Variants in RFX3 observed in about 807,000 individuals in gnomAD.
The protein encoded by RFX3 is transcription factor RFX3.
A neutral mutation model predicts 98.6 loss-of-function variants in RFX3; 14 were observed. The observed-to-expected ratio is 0.14, with a 90% confidence interval of 0.09 to 0.22. The LOEUF (loss-of-function observed/expected upper bound fraction) is 0.22. Among genes scored for constraint, RFX3 ranks in the 10% least tolerant of loss-of-function variants. The probability of loss-of-function intolerance (pLI) is 1.00; values close to 1 mark genes in which losing one functional copy is unlikely to be tolerated. For missense variants in RFX3, 639 were observed against 926.9 expected, an observed-to-expected ratio of 0.69 and a Z score of 4.03; for synonymous variants, 383 against 328.4, an observed-to-expected ratio of 1.17 and a Z score of -1.80.
chr9:3,359,639 G>T (rs904030604), intron 2 of RFX3, among the ~76,000 whole-genome samples: 1 of 151,964 alleles, frequency 6.6e-6, no homozygotes, highest in African/African-American at 2.4e-5. Flanking sequence ...AGTTCAGCAC[G>T]GGGAAAACAC....
intron 2 of RFX3, among the ~76,000 whole-genome samples, chr9:3,373,955 G>A (rs985777076): frequency 4.6e-5 from 7 of 152,100 alleles, no homozygotes; most frequent in African/African-American, 1.7e-4. Context: ...GCATGCGCCT[G>A]TAGTCCCAGC....
chr9:3,493,699 AAAT>A (rs1334603625), intron 1 of RFX3, among the ~76,000 whole-genome samples: 3,798 of 101,694 alleles, frequency 0.037, 30 homozygotes, highest in South Asian at 0.071. Flanking sequence ...AAAAAAAAAA[AAAT>A]ATATATATAT....
chr9:3,251,139 G>A (rs771640424), intron 14 of RFX3, among the ~76,000 whole-genome samples: 14 of 151,950 alleles, frequency 9.2e-5, no homozygotes, highest in South Asian at 6.2e-4. Context: ...GTATGAGGAC[G>A]TTAAACATTA....
Position 3,346,759 on chromosome 9 carries a change from C to T in RFX3, c.123G>A (p.Gln41=), listed in dbSNP as rs776271903. The T allele has an allele frequency of 6.8e-6, 11 of 1,611,336 alleles. No individual in the cohort carries two copies. Among genetic ancestry groups the T allele is most frequent in the Non-Finnish European group, 9.3e-6 (11 of 1,177,640 alleles). The change falls in exon 3 of 17, where the codon CAG becomes CAA. Residue 41 remains glutamine, a synonymous_variant. Coordinates refer to ENST00000617270, the MANE Select transcript of RFX3 (RefSeq NM_001282116.2). ...VQQVPVQQQV[Q]QVQTVQQVQH... ...GTACCTGCTGCACAGTCTGTACCTG[C>T]TGTACCTGAAAAACAAGTATTAGGA...
intron 1 of RFX3, among the ~76,000 whole-genome samples, chr9:3,524,988 TG>T (rs539910347): frequency 0.011 from 1,078 of 93,740 alleles, 10 homozygotes; most frequent in African/African-American, 0.031. Context: ...AAGGGGTGTG[TG>T]GGGGGGGGGA....
chr9:3,407,860 CAG>C (rs1842100072), intron 1 of RFX3, among the ~76,000 whole-genome samples: 1 of 152,100 alleles, frequency 6.6e-6, no homozygotes, highest in South Asian at 2.1e-4. Context: ...ATGGAATATT[CAG>C]AGTTTCTACA....
intron 16 of RFX3, among the ~76,000 whole-genome samples, chr9:3,227,680 C>A (rs977207410): frequency 6.6e-6 from 1 of 152,172 alleles, no homozygotes; most frequent in Non-Finnish European, 1.5e-5. Flanking sequence ...GTGAGTATAT[C>A]ATCAGTGTTG....
intron 2 of RFX3, among the ~76,000 whole-genome samples, chr9:3,351,392 A>G (rs1835103556): frequency 6.6e-6 from 1 of 152,026 alleles, no homozygotes; most frequent in African/African-American, 2.4e-5. Context: ...AATCATGCCA[A>G]TATTTATAGA....
chr9:3,306,071 T>C (rs2130272556), intron 4 of RFX3, among the ~76,000 whole-genome samples: 1 of 152,220 alleles, frequency 6.6e-6, no homozygotes, highest in Non-Finnish European at 1.5e-5. Flanking sequence ...AATGATGTTT[T>C]ACCACAATAC....
At chr9:3,356,396 C>G (rs531217466) in intron 2 of RFX3, among the ~76,000 whole-genome samples, 4 of 151,852 alleles carry the variant, frequency 2.6e-5, no homozygotes, top group African/African-American at 7.2e-5. Flanking sequence ...AATTCAACAA[C>G]TAAGATGAAA....
intron 1 of RFX3, among the ~76,000 whole-genome samples, chr9:3,415,557 A>G (rs999380490): frequency 5.3e-5 from 8 of 152,184 alleles, no homozygotes; most frequent in Non-Finnish European, 8.8e-5. Flanking sequence ...AGATCCCAAG[A>G]AGAGGAAAGC....
At chr9:3,485,902 A>C (rs1850223332) in intron 1 of RFX3, among the ~76,000 whole-genome samples, 1 of 152,096 alleles carries the variant, frequency 6.6e-6, no homozygotes, top group Non-Finnish European at 1.5e-5. Flanking sequence ...AGGTGGGCGG[A>C]TCACCTGAAG....
chr9:3,367,307 G>A (rs1837324404), intron 2 of RFX3, among the ~76,000 whole-genome samples: 1 of 152,064 alleles, frequency 6.6e-6, no homozygotes, highest in African/African-American at 2.4e-5. Flanking sequence ...TCTAGGAGTG[G>A]GGAACAGATC....
intron 15 of RFX3, among the ~76,000 whole-genome samples, chr9:3,243,158 T>C (rs1407490895): frequency 6.6e-6 from 1 of 151,982 alleles, no homozygotes; most frequent in Non-Finnish European, 1.5e-5. Context: ...TTTAAAATTG[T>C]TTATTTAACA....
chr9:3,441,179 T>C lies in RFX3; in HGVS notation c.-8-45583A>G, dbSNP rs561105870. Among the ~76,000 whole-genome samples, 3 of 152,250 alleles carry C rather than the reference T, an allele frequency of 2.0e-5. No individual in the cohort carries two copies. In the South Asian group the frequency reaches 6.2e-4, roughly 32 times the overall value. On this transcript the variant is annotated intron_variant, in intron 1 of 16. Coordinates refer to ENST00000617270, the MANE Select transcript of RFX3 (RefSeq NM_001282116.2). ...TGGATGATGGAAGCCATGTTTCTCA[T>C]TGTTGGATAGAGACATTAATGATAA...
chr9:3,294,054 C>A (rs1182264048), intron 5 of RFX3, among the ~76,000 whole-genome samples: 1 of 152,084 alleles, frequency 6.6e-6, no homozygotes, highest in Non-Finnish European at 1.5e-5. Flanking sequence ...ACAAAAAAAT[C>A]TTTAAAGCAC....
intron 2 of RFX3, among the ~76,000 whole-genome samples, chr9:3,348,250 T>C (rs1318943300): frequency 6.6e-6 from 1 of 152,152 alleles, no homozygotes; most frequent in East Asian, 1.9e-4. Context: ...TAAACTGGTA[T>C]ATGTTGGGGC....
intron 1 of RFX3, among the ~76,000 whole-genome samples, chr9:3,507,662 A>G (rs769640247): frequency 2.6e-5 from 4 of 151,944 alleles, no homozygotes; most frequent in African/African-American, 4.8e-5. Flanking sequence ...CTTATATAAA[A>G]TAGCATAGTA....
rs1459063803 is a variant in RFX3, at chr9:3,222,609, C to G, written c.*2433G>C. Reference sequence around the variant, plus strand: ...AAGGATGGCGGGTAGAGACAGGAAACTGAAAAAATTCAGAAAGGAGAGCCA... The same window carrying G: ...AAGGATGGCGGGTAGAGACAGGAAAGTGAAAAAATTCAGAAAGGAGAGCCA... On this transcript the variant is annotated 3_prime_UTR_variant, in exon 17 of 17. Coordinates refer to ENST00000617270, the MANE Select transcript of RFX3 (RefSeq NM_001282116.2). 6.6e-6 allele frequency: 1 copy of G among 152,142 alleles called. No individual in the cohort carries two copies. The highest frequency in any genetic ancestry group is 2.4e-5 in the African/African-American group (1 of 41,444). The allele number at this position is 152,142 out of a possible 1,614,324, so 9.4% of individuals were successfully genotyped here.
Sources: gnomAD v4.1 joint callset for allele counts (sites outside exome capture counted in the v4.1 genomes callset) on GRCh38, gnomAD v4.1.1 for gene constraint, MANE v1.5 for transcripts, NCBI Gene and HGNC (gene_info 2026-07-23, HGNC 2026-07-21) for gene names.